PIK3C2A: variants seen among roughly 807,000 people sequenced by gnomAD.
The protein encoded by PIK3C2A is phosphatidylinositol 4-phosphate 3-kinase C2 domain-containing subunit alpha.
In PIK3C2A, 97 loss-of-function variants were observed where a neutral mutation model predicts 204.5. The ratio of observed to expected loss-of-function variants is 0.47; its 90% CI spans 0.40 to 0.56. The LOEUF is 0.56. PIK3C2A is among the 20% of genes least tolerant of loss of function. PIK3C2A has a pLI of 0.00. For missense variants in PIK3C2A, 1,735 were observed against 1,969.2 expected (o/e 0.88, Z 2.25); for synonymous variants, 653 against 664.4 (o/e 0.98, Z 0.26).
intron 26 of PIK3C2A, among the ~76,000 whole-genome samples, chr11:17,098,828 T>C (rs886572817): frequency 2.6e-5 from 4 of 152,166 alleles, no homozygotes; most frequent in African/African-American, 9.6e-5. Context: ...TGCTGTGGTA[T>C]TGTGATGATG....
chr11:17,119,556 T>A (rs1208484030), intron 16 of PIK3C2A, among the ~76,000 whole-genome samples: 1 of 152,228 alleles, frequency 6.6e-6, no homozygotes, highest in Non-Finnish European at 1.5e-5. Context: ...CATAAAAATA[T>A]AAATTATTCA....
At chr11:17,093,433 A>AT (rs1848366327) in intron 28 of PIK3C2A, among the ~76,000 whole-genome samples, 1 of 151,704 alleles carries the variant, frequency 6.6e-6, no homozygotes, top group Non-Finnish European at 1.5e-5. Context: ...TGCCCAGCTA[A>AT]TTTTTTGTAT....
chr11:17,202,150 G>A (rs542282371), intron 1 of PIK3C2A, among the ~76,000 whole-genome samples: 1 of 151,956 alleles, frequency 6.6e-6, no homozygotes, highest in African/African-American at 2.4e-5. Flanking sequence ...CAGCTACTCG[G>A]GAGGCTGAGG....
At chr11:17,128,175 C>T (rs1849581841) in intron 13 of PIK3C2A, among the ~76,000 whole-genome samples, 4 of 151,652 alleles carry the variant, frequency 2.6e-5, no homozygotes, top group Admixed American at 2.6e-4. Flanking sequence ...AAATATATTG[C>T]CATAAGACCC....
chr11:17,135,957 T>C (rs1849859499), intron 9 of PIK3C2A, among the ~76,000 whole-genome samples: 1 of 152,064 alleles, frequency 6.6e-6, no homozygotes. Context: ...GTTAATTAAA[T>C]CCCCTGGAAA....
At chr11:17,129,243 A>G (rs556839454) in intron 13 of PIK3C2A, 57 bp downstream of exon 13, 2 of 1,397,620 alleles carry the variant, frequency 1.4e-6, no homozygotes, top group South Asian at 1.2e-5. Flanking sequence ...CATCTAGCCA[A>G]TTCTGATGTG....
At chr11:17,100,353 A>G (rs1013421777) in intron 25 of PIK3C2A, among the ~76,000 whole-genome samples, 1 of 150,630 alleles carries the variant, frequency 6.6e-6, no homozygotes, top group African/African-American at 2.4e-5. Context: ...AGTTGGGATT[A>G]CAGATACGTA....
intron 2 of PIK3C2A, among the ~76,000 whole-genome samples, chr11:17,158,491 TGA>T (rs1850675711): frequency 6.6e-6 from 1 of 151,964 alleles, no homozygotes; most frequent in South Asian, 2.1e-4. Flanking sequence ...GAGGCACAGA[TGA>T]GTTAATTAAC....
intron 11 of PIK3C2A, among the ~76,000 whole-genome samples, chr11:17,134,304 G>C (rs1331885832): frequency 1.3e-5 from 2 of 151,718 alleles, no homozygotes; most frequent in Non-Finnish European, 2.9e-5. Context: ...TTCCTGGCTC[G>C]AGCAATACTC....
intron 4 of PIK3C2A, among the ~76,000 whole-genome samples, chr11:17,149,016 T>C (rs986316259): frequency 1.3e-4 from 20 of 152,284 alleles, no homozygotes; most frequent in African/African-American, 4.6e-4. Context: ...GTTGGCCCTC[T>C]ATATATGTTG....
intron 2 of PIK3C2A, among the ~76,000 whole-genome samples, chr11:17,167,309 T>A (rs1397707964): frequency 6.6e-6 from 1 of 152,020 alleles, no homozygotes; most frequent in Non-Finnish European, 1.5e-5. Flanking sequence ...CTTCCAGACA[T>A]CCAAAATGTT....
At position 17,174,414 on chromosome 11, in the gene PIK3C2A, C is replaced by T. The variant is rs1314594247; in HGVS notation, c.-65-4608G>A. ...CATCCTGGCTAAAACGGTGAAACCCCGTCTCTACTAAAAAAAAAAATACAA... is the reference window on the plus strand; with the variant it reads ...CATCCTGGCTAAAACGGTGAAACCCTGTCTCTACTAAAAAAAAAAATACAA... On this transcript the variant is annotated intron_variant, in intron 1 of 32. Transcript: ENST00000691414. Among the ~76,000 whole-genome samples the T allele has an allele frequency of 3.7e-5, 3 of 80,568 alleles. 1 individual carries two copies. Among genetic ancestry groups the T allele is most frequent in the African/African-American group, 1.0e-4 (2 of 19,500 alleles). The allele number at this position is 80,568 out of a possible 152,430, so 52.9% of individuals were successfully genotyped here.
intron 1 of PIK3C2A, among the ~76,000 whole-genome samples, chr11:17,187,167 T>C (rs586785): frequency 0.24 from 36,400 of 152,036 alleles, 5,336 homozygotes; most frequent in East Asian, 0.38. Flanking sequence ...GAGATTGCCC[T>C]GGGAGAATGT....
chr11:17,162,961 A>C (rs1850829007), intron 2 of PIK3C2A, among the ~76,000 whole-genome samples: 1 of 152,182 alleles, frequency 6.6e-6, no homozygotes, highest in Admixed American at 6.5e-5. Flanking sequence ...AGATTTTAAA[A>C]TTAAGCTACT....
rs113418211 is a variant in PIK3C2A, at chr11:17,092,486, A to G, written c.4452-210T>C. On this transcript the variant is annotated intron_variant, in intron 28 of 32. Transcript: ENST00000691414. Reference sequence around the variant, plus strand: ...GTTTGAAACCAGGTTGGCCAACATGATAAAACCCTGTCTCTACTAAAAATA... The same window carrying G: ...GTTTGAAACCAGGTTGGCCAACATGGTAAAACCCTGTCTCTACTAAAAATA... Among the ~76,000 whole-genome samples the G allele has an allele frequency of 1.3e-3, 204 of 152,210 alleles. 1 individual carries two copies. The highest frequency in any genetic ancestry group is 4.7e-3 in the African/African-American group (194 of 41,540).
chr11:17,135,079 TA>T, intron 10 of PIK3C2A, 31 bp downstream of exon 10: 1 of 1,612,908 alleles, frequency 6.2e-7, no homozygotes, highest in African/African-American at 1.3e-5. Context: ...AGGCGATGAT[TA>T]TTGCTAAAAT....
chr11:17,126,235 G>A (rs895758162), intron 13 of PIK3C2A, among the ~76,000 whole-genome samples: 2 of 152,142 alleles, frequency 1.3e-5, no homozygotes, highest in African/African-American at 2.4e-5. Flanking sequence ...TTATATGCCA[G>A]TTTTCAGAAA....
chr11:17,109,280 C>T (rs1848921826), intron 22 of PIK3C2A, among the ~76,000 whole-genome samples: 1 of 152,186 alleles, frequency 6.6e-6, no homozygotes, highest in African/African-American at 2.4e-5. Context: ...TTAAAGCATA[C>T]TCTGATTACT....
chr11:17,091,967 AC>A (rs1387964823), intron 30 of PIK3C2A, 28 bp downstream of exon 30: 1 of 1,391,900 alleles, frequency 7.2e-7, no homozygotes. Flanking sequence ...ATCATGAGTT[AC>A]CAATAAAGAG....
Sources: allele counts gnomAD v4.1 joint callset (sites outside exome capture counted in the v4.1 genomes callset), GRCh38; gene constraint gnomAD v4.1.1; transcripts MANE v1.5; gene names NCBI Gene and HGNC (gene_info 2026-07-23, HGNC 2026-07-21).